The following SPSB4 variants were observed in gnomAD, a reference collection of about 807,000 sequenced individuals.
SPSB4 encodes the protein splA/ryanodine receptor domain and SOCS box containing 4.
SPSB4 carries 21 observed loss-of-function variants against 20.9 expected under a neutral mutation model. The ratio of observed to expected loss-of-function variants is 1.01; its 90% CI spans 0.71 to 1.45. The LOEUF is 1.45. Among genes scored for constraint, SPSB4 ranks in the 40% most tolerant of loss-of-function variants. The pLI is 0.00. For synonymous variants in SPSB4, 207 were observed against 183.8 expected (o/e 1.13, Z -1.02); for missense variants, 399 against 399.2 (o/e 1.00, Z 0.00).
At chr3:141,095,804 A>G (rs1039889253) in intron 2 of SPSB4, among the ~76,000 whole-genome samples, 1 of 152,178 alleles carries the variant, frequency 6.6e-6, no homozygotes, top group Admixed American at 6.5e-5. Context: ...GAGATGTGGC[A>G]GAGATTATTG....
At chr3:141,056,291 T>C (rs1937637399) in intron 1 of SPSB4, among the ~76,000 whole-genome samples, 1 of 152,214 alleles carries the variant, frequency 6.6e-6, no homozygotes, top group South Asian at 2.1e-4. Flanking sequence ...ACAGAGACAT[T>C]CTACCTGTTA....
At chr3:141,142,842 A>T in intron 2 of SPSB4, among the ~76,000 whole-genome samples, 1 of 102,396 alleles carries the variant, frequency 9.8e-6, no homozygotes, top group African/African-American at 3.8e-5. Flanking sequence ...TTTGAGACAG[A>T]GTCTCGCTCT....
chr3:141,052,620 G>T (rs1483413483), intron 1 of SPSB4, among the ~76,000 whole-genome samples: 1 of 152,182 alleles, frequency 6.6e-6, no homozygotes, highest in Non-Finnish European at 1.5e-5. Context: ...ATAGGCACCG[G>T]TGGCTGTTGT....
At chr3:141,062,503 A>G (rs1018480610) in intron 1 of SPSB4, among the ~76,000 whole-genome samples, 6 of 152,172 alleles carry the variant, frequency 3.9e-5, no homozygotes, top group African/African-American at 1.4e-4. Context: ...AAAATTTAAT[A>G]GCATAAATAT....
chr3:141,142,803 C>CT (rs57674247), intron 2 of SPSB4, among the ~76,000 whole-genome samples: 1,663 of 61,946 alleles, frequency 0.027, 443 homozygotes, highest in Non-Finnish European at 0.039. Flanking sequence ...CCCTCTTTGT[C>CT]TTTTTTTTTT....
chr3:141,084,364 G>A (rs755548891), intron 2 of SPSB4, among the ~76,000 whole-genome samples: 15 of 151,670 alleles, frequency 9.9e-5, no homozygotes, highest in Admixed American at 2.0e-4. Context: ...CCCTCATGCC[G>A]CCTGGGTGGC....
At chr3:141,117,413 A>G (rs992679047) in intron 2 of SPSB4, among the ~76,000 whole-genome samples, 1 of 152,170 alleles carries the variant, frequency 6.6e-6, no homozygotes. Context: ...ATTACTCCTT[A>G]GCTAGAATTT....
At chr3:141,072,031 C>T (rs1938018759) in intron 2 of SPSB4, among the ~76,000 whole-genome samples, 1 of 152,240 alleles carries the variant, frequency 6.6e-6, no homozygotes, top group South Asian at 2.1e-4. Flanking sequence ...TAGTGAGGTC[C>T]TCCCAGCCTC....
At chr3:141,071,166 G>A (rs748684274) in intron 2 of SPSB4, among the ~76,000 whole-genome samples, 1 of 152,226 alleles carries the variant, frequency 6.6e-6, no homozygotes, top group African/African-American at 2.4e-5. Context: ...CAAATGTCTC[G>A]ACTGCTGTGA....
Position 141,148,272 on chromosome 3 carries a change from T to G in SPSB4, c.*1003T>G, listed in dbSNP as rs1452641136. 6.6e-6 allele frequency: 1 copy of G among 152,660 alleles called. No individual in the cohort carries two copies. Among genetic ancestry groups the G allele is most frequent in the African/African-American group, 2.4e-5 (1 of 41,406 alleles). 9.5% of individuals were successfully genotyped at this position (152,660 alleles called of 1,614,324 possible). A position where few individuals can be genotyped will look rare whatever the true frequency, so the allele number is the denominator to read the frequency against. On this transcript the variant is annotated 3_prime_UTR_variant, in exon 3 of 3. Coordinates refer to ENST00000310546, the MANE Select transcript of SPSB4 (RefSeq NM_080862.3). The surrounding 1 kb of genome is among the most constrained non-coding windows in gnomAD (Gnocchi z 4.5). ...CTACAAGTTTGTTTCCTGTTTCAAA[T>G]GTGTGTGTGATGTGCTGTTTATTTA...
At position 141,066,799 on chromosome 3, in the gene SPSB4, G is replaced by A. The variant is rs770017998; in HGVS notation, c.694+1G>A. The A allele has an allele frequency of 3.9e-6, 6 of 1,536,668 alleles. No homozygotes were observed. The highest frequency in any genetic ancestry group is 8.8e-7 in the Non-Finnish European group (1 of 1,137,306). On this transcript the variant is annotated splice_donor_variant, in intron 2 of 2. Coordinates refer to ENST00000310546, the MANE Select transcript of SPSB4 (RefSeq NM_080862.3). LOFTEE classifies it high-confidence loss of function. ...ATGCGCTACATCAACGGCCTTGACC[G>A]TAAGTTGTGCTGGGCTGGGGGGCAG...
intron 2 of SPSB4, chr3:141,116,917 G>A (rs1351393316): frequency 6.6e-6 from 1 of 152,256 alleles, no homozygotes; most frequent in African/African-American, 2.4e-5. Context: ...GAGTGGAGCA[G>A]GCTGATGGGT....
intron 2 of SPSB4, among the ~76,000 whole-genome samples, chr3:141,068,515 T>G (rs937326350): frequency 2.0e-5 from 3 of 152,208 alleles, no homozygotes; most frequent in African/African-American, 7.2e-5. Flanking sequence ...GTGGCCTTGG[T>G]GTACCAAGGC....
intron 2 of SPSB4, among the ~76,000 whole-genome samples, chr3:141,134,018 CTTTTTTTTTTTCTTTTCTTTTT>C (rs1939180510): frequency 1.8e-5 from 1 of 56,496 alleles, no homozygotes; most frequent in African/African-American, 6.9e-5. Flanking sequence ...AGTATTTTTC[CTTTTTTTTTTTCTTTTCTTTTT>C]TTTTTTTTCT....
rs913731722 is a variant in SPSB4 at position 141,066,636 on chromosome 3, C to A, written c.532C>A (p.Leu178Ile). The A allele has an allele frequency of 1.2e-6, 2 of 1,610,896 alleles. No individual in the cohort carries two copies. Among genetic ancestry groups the A allele is most frequent in the Admixed American group, 1.7e-5 (1 of 59,760 alleles). Residue 178 changes from leucine (L) to isoleucine (I), a missense_variant, in exon 2 of 3, where the codon CTC (leucine) becomes ATC (isoleucine). By Grantham distance (5) the Leu-to-Ile change is conservative (BLOSUM62 2). Coordinates refer to ENST00000310546, the MANE Select transcript of SPSB4 (RefSeq NM_080862.3). ...DEAFALPDSL[L>I]VVLDMDEGTL... ...GGCCTTTGCGCTGCCCGACTCGCTG[C>A]TCGTGGTGCTGGACATGGATGAGGG...
At chr3:141,134,317 G>T (rs188093269) in intron 2 of SPSB4, among the ~76,000 whole-genome samples, 1 of 151,970 alleles carries the variant, frequency 6.6e-6, no homozygotes, top group Non-Finnish European at 1.5e-5. Flanking sequence ...TATTTCTCTT[G>T]TCTGACTGTT....
intron 2 of SPSB4, among the ~76,000 whole-genome samples, chr3:141,095,905 G>T (rs567068987): frequency 6.6e-6 from 1 of 152,206 alleles, no homozygotes; most frequent in East Asian, 1.9e-4. Flanking sequence ...GGCAAGAAGA[G>T]CACAGGTCTT....
intron 2 of SPSB4, among the ~76,000 whole-genome samples, chr3:141,093,649 G>C (rs1938500327): frequency 6.6e-6 from 1 of 152,104 alleles, no homozygotes; most frequent in African/African-American, 2.4e-5. Flanking sequence ...GCTGCAGAAG[G>C]GCCATGCCGG....
chr3:141,114,223 G>A (rs1048988119), intron 2 of SPSB4, among the ~76,000 whole-genome samples: 2 of 152,164 alleles, frequency 1.3e-5, no homozygotes, highest in Non-Finnish European at 2.9e-5. Flanking sequence ...GAAAATACCA[G>A]GGGTGAATTC....
Sources: gnomAD v4.1 joint callset for allele counts (sites outside exome capture counted in the v4.1 genomes callset) on GRCh38, gnomAD v4.1.1 for gene constraint, Gnocchi (gnomAD v3.1) non-coding constraint, MANE v1.5 for transcripts, NCBI Gene and HGNC (gene_info 2026-07-23, HGNC 2026-07-21) for gene names.